CSMD1: variants seen among roughly 807,000 people sequenced by gnomAD.
CSMD1 encodes CUB and Sushi multiple domains 1.
CSMD1 carries 213 observed loss-of-function variants against 417.5 expected under a neutral mutation model. That is an observed-to-expected ratio of 0.51 (90% confidence interval 0.46 to 0.57). The LOEUF is 0.57. Ranked by LOEUF, CSMD1 falls within the 20% of genes least tolerant of loss-of-function variation. The pLI is 0.00. For synonymous variants in CSMD1, 2,862 were observed against 1,736.8 expected (o/e 1.65, Z -16.11); for missense variants, 6,923 against 4,529.7 (o/e 1.53, Z -15.17).
chr8:4,438,987 C>T (rs1319396280), intron 2 of CSMD1, among the ~76,000 whole-genome samples: 1 of 152,118 alleles, frequency 6.6e-6, no homozygotes, highest in Admixed American at 6.5e-5. Context: ...CAGTCCTAGA[C>T]GTTTGGGGCA....
intron 25 of CSMD1, among the ~76,000 whole-genome samples, chr8:3,289,367 G>T (rs1447509798): frequency 6.8e-6 from 1 of 147,228 alleles, no homozygotes; most frequent in Non-Finnish European, 1.5e-5. Context: ...GGGTCAAATG[G>T]TATTTCTAGT....
At chr8:4,637,231 C>G in intron 2 of CSMD1, 111 bp downstream of exon 2, 1 of 933,100 alleles carries the variant, frequency 1.1e-6, no homozygotes, top group East Asian at 2.5e-5. Context: ...CACGAACCCA[C>G]CGGAAGGAAC....
chr8:3,718,349 G>A (rs1801958338), intron 6 of CSMD1, among the ~76,000 whole-genome samples: 1 of 151,976 alleles, frequency 6.6e-6, no homozygotes, highest in African/African-American at 2.4e-5. Flanking sequence ...GAGAAAAACT[G>A]ACAACCAAGT....
intron 2 of CSMD1, among the ~76,000 whole-genome samples, chr8:4,465,964 GGA>G (rs1476245863): frequency 6.6e-6 from 1 of 152,130 alleles, no homozygotes; most frequent in Non-Finnish European, 1.5e-5. Context: ...ATACCTTGTG[GGA>G]GAGACAAGGA....
chr8:4,827,297 A>G (rs570433619), intron 1 of CSMD1, among the ~76,000 whole-genome samples: 3 of 152,262 alleles, frequency 2.0e-5, no homozygotes, highest in East Asian at 3.9e-4. Flanking sequence ...TTTCAAGCAG[A>G]AAGACCAGAA....
At chr8:4,044,338 T>A (rs1173620221) in intron 3 of CSMD1, among the ~76,000 whole-genome samples, 1 of 152,126 alleles carries the variant, frequency 6.6e-6, no homozygotes, top group Non-Finnish European at 1.5e-5. Flanking sequence ...AATAACACAA[T>A]GCAATTCTGT....
intron 1 of CSMD1, among the ~76,000 whole-genome samples, chr8:4,984,956 G>C (rs1377187306): frequency 6.6e-6 from 1 of 152,126 alleles, no homozygotes; most frequent in Non-Finnish European, 1.5e-5. Context: ...AGTCAAAATG[G>C]AAACTCCTAG....
chr8:4,461,144 A>T (rs768766830), intron 2 of CSMD1, among the ~76,000 whole-genome samples: 2 of 122,798 alleles, frequency 1.6e-5, no homozygotes, highest in Non-Finnish European at 3.4e-5. Context: ...AATAAAATAA[A>T]GTCAGCTGAT....
At chr8:3,131,275 T>C (rs952127505) in intron 41 of CSMD1, among the ~76,000 whole-genome samples, 1 of 151,966 alleles carries the variant, frequency 6.6e-6, no homozygotes, top group African/African-American at 2.4e-5. Context: ...TTTTGAAATA[T>C]CTGCACATGT....
intron 57 of CSMD1, among the ~76,000 whole-genome samples, chr8:2,966,951 C>G (rs941922416): frequency 6.6e-6 from 1 of 152,122 alleles, no homozygotes; most frequent in Non-Finnish European, 1.5e-5. Flanking sequence ...TAAAAATAAC[C>G]TTTCAATTCG....
chr8:3,478,865 C>T (rs562814452), intron 11 of CSMD1, among the ~76,000 whole-genome samples: 74 of 152,276 alleles, frequency 4.9e-4, no homozygotes, highest in African/African-American at 1.8e-3. Flanking sequence ...AATGATCTCA[C>T]CTGGGGAGGC....
At chr8:3,987,229 C>CCA (rs1814401461) in intron 5 of CSMD1, among the ~76,000 whole-genome samples, 1 of 152,218 alleles carries the variant, frequency 6.6e-6, no homozygotes, top group Non-Finnish European at 1.5e-5. Context: ...CGCACTCTTC[C>CCA]TGTGAACATG....
At chr8:4,144,266 T>G (rs146138338) in intron 3 of CSMD1, among the ~76,000 whole-genome samples, 1 of 151,142 alleles carries the variant, frequency 6.6e-6, no homozygotes, top group Non-Finnish European at 1.5e-5. Flanking sequence ...CAAGACCTTA[T>G]TCTGCCTCAC....
At chr8:4,081,361 A>G (rs1204963571) in intron 3 of CSMD1, among the ~76,000 whole-genome samples, 1 of 152,126 alleles carries the variant, frequency 6.6e-6, no homozygotes, top group Non-Finnish European at 1.5e-5. Flanking sequence ...GTATTGTGTG[A>G]ATTACAAACT....
intron 5 of CSMD1, among the ~76,000 whole-genome samples, chr8:3,775,115 T>A (rs936152072): frequency 6.6e-6 from 1 of 152,248 alleles, no homozygotes; most frequent in Non-Finnish European, 1.5e-5. Context: ...TTTAGACTGC[T>A]GTTGACCGTA....
At chr8:3,139,196 C>T (rs561457780) in intron 41 of CSMD1, among the ~76,000 whole-genome samples, 6 of 152,262 alleles carry the variant, frequency 3.9e-5, no homozygotes, top group African/African-American at 1.4e-4. Context: ...AAGACTTGAG[C>T]TGGAGGCACA....
At chr8:4,247,335 T>C (rs560824170) in intron 3 of CSMD1, among the ~76,000 whole-genome samples, 76 of 152,242 alleles carry the variant, frequency 5.0e-4, no homozygotes, top group African/African-American at 1.7e-3. Context: ...TCATACCACA[T>C]AGAGTGCTGC....
At chr8:3,943,323 G>A (rs1158171907) in intron 5 of CSMD1, among the ~76,000 whole-genome samples, 2 of 150,012 alleles carry the variant, frequency 1.3e-5, no homozygotes, top group African/African-American at 4.9e-5. Context: ...AACTAGAAGA[G>A]TGAAGTATTC....
intron 9 of CSMD1, among the ~76,000 whole-genome samples, chr8:3,582,759 C>G (rs1359306444): frequency 1.3e-5 from 2 of 152,116 alleles, no homozygotes; most frequent in Non-Finnish European, 2.9e-5. Context: ...TAGCATGATA[C>G]TATTTGGGAG....
Sources: gnomAD v4.1 joint callset for allele counts (sites outside exome capture counted in the v4.1 genomes callset) on GRCh38, gnomAD v4.1.1 for gene constraint, MANE v1.5 for transcripts, NCBI Gene and HGNC (gene_info 2026-07-23, HGNC 2026-07-21) for gene names.